SIMC1: variants seen among roughly 807,000 people sequenced by gnomAD.
SIMC1 encodes the protein SUMO-interacting motif-containing protein 1.
SIMC1 carries 55 observed loss-of-function variants against 82.3 expected under a neutral mutation model. The observed-to-expected ratio is 0.67, with a 90% CI of 0.54 to 0.84. The LOEUF (loss-of-function observed/expected upper bound fraction) is 0.84. Among genes scored for constraint, SIMC1 ranks in the 40% least tolerant of loss-of-function variants. SIMC1 has a pLI of 0.00. For synonymous variants in SIMC1, 353 were observed against 426.3 expected, an observed-to-expected ratio of 0.83 and a Z score of 2.12; for missense variants, 915 against 1,107.2, an observed-to-expected ratio of 0.83 and a Z score of 2.46.
intron 1 of SIMC1, among the ~76,000 whole-genome samples, chr5:176,285,713 T>C (rs1165194843): frequency 2.0e-5 from 3 of 152,240 alleles, no homozygotes; most frequent in East Asian, 1.9e-4. Context: ...TGTTTGCAGA[T>C]GACATGATTG....
chr5:176,322,588 T>G lies in SIMC1; in HGVS notation c.2042+163T>G, dbSNP rs570696649. The G allele has an allele frequency of 2.1e-5, 19 of 918,658 alleles. No homozygotes were observed. The South Asian group carries it at 5.2e-4, about 25-fold the overall frequency. 56.9% of individuals were successfully genotyped at this position (918,658 alleles called of 1,614,324 possible). ...TTAACTAGAGGCTAAATTTCTGATT[T>G]CAAAGGCAGAACAAAACCAGGTGCT... On this transcript the variant is annotated intron_variant, in intron 6 of 9. Coordinates refer to ENST00000429602, the MANE Select transcript of SIMC1 (RefSeq NM_001308195.2).
At position 176,345,472 on chromosome 5, in the gene SIMC1, A is replaced by G; in HGVS notation, c.*27A>G. The G allele has an allele frequency of 6.3e-7, 1 of 1,595,950 alleles. No individual in the cohort carries two copies. The highest frequency in any genetic ancestry group is 8.5e-7 in the Non-Finnish European group (1 of 1,171,064). ...GGCCTGCCAAGCACTGAATGCCAAG[A>G]ATACCTCCTGAACTCTCTCTCCAAC... On this transcript the variant is annotated 3_prime_UTR_variant, in exon 10 of 10. Coordinates refer to ENST00000429602, the MANE Select transcript of SIMC1 (RefSeq NM_001308195.2).
intron 4 of SIMC1, among the ~76,000 whole-genome samples, chr5:176,312,355 G>A (rs1764697775): frequency 6.6e-6 from 1 of 151,978 alleles, no homozygotes; most frequent in African/African-American, 2.4e-5. Flanking sequence ...CACCATTATG[G>A]TGCAACCCTG....
intron 1 of SIMC1, among the ~76,000 whole-genome samples, chr5:176,278,108 A>C (rs1762799128): frequency 1.1e-5 from 1 of 90,128 alleles, no homozygotes; most frequent in African/African-American, 4.4e-5. Context: ...ATTTGTTTGT[A>C]TCCTCTTTTA....
intron 5 of SIMC1, among the ~76,000 whole-genome samples, chr5:176,317,115 A>G (rs997976297): frequency 6.6e-6 from 1 of 152,242 alleles, no homozygotes. Flanking sequence ...AAAATGAGCT[A>G]TCTTTGATTC....
intron 4 of SIMC1, among the ~76,000 whole-genome samples, chr5:176,303,720 A>C (rs1764144546): frequency 6.6e-6 from 1 of 152,216 alleles, no homozygotes; most frequent in African/African-American, 2.4e-5. Flanking sequence ...TGGTACAAGA[A>C]AGAAGATAGA....
rs564682091 is a variant in SIMC1, at chr5:176,271,292, G to A, written c.130-18362G>A. On this transcript the variant is annotated intron_variant, in intron 1 of 9. Coordinates refer to ENST00000429602, the MANE Select transcript of SIMC1 (RefSeq NM_001308195.2). ...TGAGAATCATTTGAACCCTGGAGGC[G>A]GAAGTTGCAGTGAGCCAAGATCTCG... Among the ~76,000 whole-genome samples, 370 of 152,254 alleles carry A rather than the reference G, an allele frequency of 2.4e-3. 2 individuals carry two copies. Among genetic ancestry groups the A allele is most frequent in the South Asian group, 0.012 (60 of 4,824 alleles).
At chr5:176,321,199 T>A (rs1460120710) in intron 5 of SIMC1, among the ~76,000 whole-genome samples, 2 of 152,230 alleles carry the variant, frequency 1.3e-5, no homozygotes, top group Non-Finnish European at 2.9e-5. Flanking sequence ...TTAAAAGGTA[T>A]CATGCTATAT....
Position 176,336,794 on chromosome 5 carries a change from G to T in SIMC1, c.2246G>T (p.Cys749Phe), listed in dbSNP as rs1285696947. 1 of 1,613,962 alleles carries T rather than the reference G, an allele frequency of 6.2e-7. No homozygotes were observed. The highest frequency in any genetic ancestry group is 1.7e-5 in the Admixed American group (1 of 60,012). The change falls in exon 8 of 10, where the codon TGT (cysteine) becomes TTT (phenylalanine). Residue 749 changes from cysteine (C) to phenylalanine (F), a missense_variant. By Grantham distance (205) the Cys-to-Phe change is radical. Coordinates refer to ENST00000429602, the MANE Select transcript of SIMC1 (RefSeq NM_001308195.2). ...TTAGAAATCATATTCCTCCACAGCT[G>T]TGAGACACCCACCCGCCTGCCTCTG... ...KVLEIIFLHS[C>F]ETPTRLPLSL...
At chr5:176,297,989 G>A (rs1190399570) in intron 4 of SIMC1, among the ~76,000 whole-genome samples, 1 of 152,140 alleles carries the variant, frequency 6.6e-6, no homozygotes, top group African/African-American at 2.4e-5. Flanking sequence ...GGAACAATCT[G>A]GGAGACATCT....
intron 1 of SIMC1, among the ~76,000 whole-genome samples, chr5:176,276,067 C>G (rs1335705194): frequency 2.0e-5 from 3 of 151,570 alleles, no homozygotes; most frequent in Non-Finnish European, 2.9e-5. Flanking sequence ...CTCCTTGTAC[C>G]TCTGGTAGAA....
intron 4 of SIMC1, among the ~76,000 whole-genome samples, chr5:176,305,104 G>A (rs1255923411): frequency 7.4e-4 from 107 of 145,050 alleles, no homozygotes; most frequent in African/African-American, 2.7e-3. Context: ...TGGGGGGTCA[G>A]CCCCGACGCC....
chr5:176,280,992 G>T (rs574908557), intron 1 of SIMC1, among the ~76,000 whole-genome samples: 1 of 152,276 alleles, frequency 6.6e-6, no homozygotes, highest in East Asian at 1.9e-4. Flanking sequence ...TGCTAGATTG[G>T]GGAAGTTCTC....
intron 1 of SIMC1, among the ~76,000 whole-genome samples, chr5:176,283,830 A>G (rs982585835): frequency 3.3e-5 from 5 of 152,216 alleles, no homozygotes; most frequent in Admixed American, 2.0e-4. Flanking sequence ...ATGGAGGAAG[A>G]TCTACCAAGC....
chr5:176,332,048 A>G lies in SIMC1; in HGVS notation c.2172-4672A>G, dbSNP rs181250058. Among the ~76,000 whole-genome samples, 349 of 152,268 alleles carry G rather than the reference A, an allele frequency of 2.3e-3. 3 individuals carry two copies. The highest frequency in any genetic ancestry group is 8.1e-3 in the African/African-American group (335 of 41,576). On this transcript the variant is annotated intron_variant, in intron 7 of 9. Transcript: ENST00000429602. ...AAATTGTCAATACAAAAAGATAAGA[A>G]AAAAGGTTATGTTTATTGTAAACAG...
At chr5:176,249,623 A>T (rs1172939150) in intron 1 of SIMC1, among the ~76,000 whole-genome samples, 1 of 151,894 alleles carries the variant, frequency 6.6e-6, no homozygotes, top group African/African-American at 2.4e-5. Flanking sequence ...GGCATATCAC[A>T]AGGTCAGGAG....
Position 176,290,107 on chromosome 5 carries a change from A to C in SIMC1, c.583A>C (p.Ser195Arg), listed in dbSNP as rs1484798975. Residue 195 changes from serine (S) to arginine (R), a missense_variant, in exon 2 of 10, where the codon AGC becomes CGC. Ser to Arg is a moderately radical substitution (Grantham distance 110, BLOSUM62 -1). Around this residue, in one of 2 missense-constraint regions of SIMC1, gnomAD observed 902 missense variants for 1,040.3 expected, o/e 0.87. Transcript: ENST00000429602. ...CCCAACAAGCAATAATAGTAGGAGC[A>C]GCAGCAGCAGCAGCAATCAAAAAGC... ...LSPTSNNSRSSSSSSNQKAPL... is the reference protein window; with the variant it reads ...LSPTSNNSRSRSSSSNQKAPL... 1 of 1,603,468 alleles carries C rather than the reference A, an allele frequency of 6.2e-7. No homozygotes were observed. Among genetic ancestry groups the C allele is most frequent in the East Asian group, 2.2e-5 (1 of 44,510 alleles).
At chr5:176,243,591 G>T (rs1280717026) in intron 1 of SIMC1, among the ~76,000 whole-genome samples, 1 of 151,460 alleles carries the variant, frequency 6.6e-6, no homozygotes, top group African/African-American at 2.4e-5. Context: ...GTGCGATCTC[G>T]GCTCACTGCA....
intron 9 of SIMC1, among the ~76,000 whole-genome samples, chr5:176,339,903 A>G (rs1285253651): frequency 6.6e-6 from 1 of 152,218 alleles, no homozygotes; most frequent in African/African-American, 2.4e-5. Context: ...CTTGTCAGTC[A>G]GTAAGCATCT....
Sources: gnomAD v4.1 joint callset for allele counts (sites outside exome capture counted in the v4.1 genomes callset) on GRCh38, gnomAD v4.1.1 for gene constraint, gnomAD v4.1.1 regional missense constraint, MANE v1.5 for transcripts, NCBI Gene and HGNC (gene_info 2026-07-23, HGNC 2026-07-21) for gene names.